Variants in CDKN2B-AS1 observed in about 807,000 individuals in gnomAD.
CDKN2B-AS1 encodes the protein CDKN2B antisense RNA 1 (non-protein coding).
intron 3 of CDKN2B-AS1, among the ~76,000 whole-genome samples, chr9:22,052,356 C>A (rs1222520506): frequency 1.3e-5 from 2 of 152,092 alleles, no homozygotes; most frequent in African/African-American, 4.8e-5. Context: ...AGTGACCTAA[C>A]TGTATATTTT....
At position 22,005,853 on chromosome 9, in the gene CDKN2B-AS1, T is replaced by G. The variant is rs531705888; in HGVS notation, n.29+10692T>G. Reference sequence around the variant, plus strand: ...ATTCCCGGTCGGCTCCTCCTTCCTGTGAGTCTCAGACAGGCTTGCAGGCTT... The same window carrying G: ...ATTCCCGGTCGGCTCCTCCTTCCTGGGAGTCTCAGACAGGCTTGCAGGCTT... On this transcript the variant is annotated intron_variant and non_coding_transcript_variant, in intron 1 of 4. Coordinates refer to ENST00000650946, the Ensembl canonical transcript of CDKN2B-AS1. This position sits in a 1 kb window ranked among gnomAD's most constrained non-coding sequence, Gnocchi z 4.9. The G allele has an allele frequency of 1.3e-5, 16 of 1,236,720 alleles. No individual in the cohort carries two copies. In the South Asian group the frequency reaches 2.1e-4, roughly 16 times the overall value. 76.6% of individuals were successfully genotyped at this position (1,236,720 alleles called of 1,614,324 possible).
chr9:21,999,506 A>G lies in CDKN2B-AS1; in HGVS notation n.29+4345A>G, dbSNP rs1043700661. 1.3e-5 allele frequency among the ~76,000 whole-genome samples: 2 copies of G among 152,030 alleles called. No individual in the cohort carries two copies. Among genetic ancestry groups the G allele is most frequent in the African/African-American group, 4.8e-5 (2 of 41,432 alleles). On this transcript the variant is annotated intron_variant and non_coding_transcript_variant, in intron 1 of 4. Coordinates refer to ENST00000650946, the Ensembl canonical transcript of CDKN2B-AS1. This position sits in a 1 kb window ranked among gnomAD's most constrained non-coding sequence, Gnocchi z 4.7. ...CACATGTACACATATATATACATAC[A>G]TATGTATATATGTATTTTATGTATG...
intron 1 of CDKN2B-AS1, among the ~76,000 whole-genome samples, chr9:22,026,106 G>A (rs1352602982): frequency 6.7e-6 from 1 of 149,664 alleles, no homozygotes; most frequent in South Asian, 2.1e-4. Context: ...AAAAAAAAAA[G>A]CAGTGTGGCC....
chr9:22,078,711 CT>C (rs372480552), intron 4 of CDKN2B-AS1, among the ~76,000 whole-genome samples: 2 of 152,170 alleles, frequency 1.3e-5, no homozygotes, highest in African/African-American at 4.8e-5. Context: ...CTTAGAGTGT[CT>C]GAAAGGTTTT....
intron 4 of CDKN2B-AS1, among the ~76,000 whole-genome samples, chr9:22,078,749 C>G (rs114306843): frequency 1.1e-3 from 167 of 152,272 alleles, no homozygotes; most frequent in African/African-American, 3.9e-3. Flanking sequence ...CCTTCAAAAT[C>G]TTCTTCATTA....
chr9:22,037,423 T>G (rs570015426), intron 1 of CDKN2B-AS1, among the ~76,000 whole-genome samples: 21 of 151,766 alleles, frequency 1.4e-4, no homozygotes, highest in Admixed American at 1.0e-3. Flanking sequence ...AGACTCTACC[T>G]GGTTTGCGTA....
At chr9:22,063,591 C>T (rs974034396) in intron 4 of CDKN2B-AS1, among the ~76,000 whole-genome samples, 6 of 152,142 alleles carry the variant, frequency 3.9e-5, no homozygotes, top group Non-Finnish European at 7.4e-5. Context: ...ACCAAGATTG[C>T]ATTGATCCTG....
intron 4 of CDKN2B-AS1, among the ~76,000 whole-genome samples, chr9:22,066,732 G>A (rs1306423914): frequency 2.0e-5 from 3 of 151,878 alleles, no homozygotes; most frequent in Non-Finnish European, 4.4e-5. Flanking sequence ...TTACCATCGG[G>A]TCTTAGAAAT....
intron 1 of CDKN2B-AS1, among the ~76,000 whole-genome samples, chr9:22,026,317 G>T (rs966080159): frequency 6.6e-5 from 10 of 152,174 alleles, no homozygotes; most frequent in African/African-American, 1.2e-4. Flanking sequence ...GGAGGCCCCA[G>T]TTGGGAGGTC....
chr9:22,099,819 C>T (rs1825421037), intron 4 of CDKN2B-AS1, among the ~76,000 whole-genome samples: 1 of 152,042 alleles, frequency 6.6e-6, no homozygotes, highest in Non-Finnish European at 1.5e-5. Context: ...TGGATAGATG[C>T]ACATGTATGT....
intron 4 of CDKN2B-AS1, among the ~76,000 whole-genome samples, chr9:22,088,967 C>T (rs1824963327): frequency 6.6e-6 from 1 of 152,194 alleles, no homozygotes; most frequent in Non-Finnish European, 1.5e-5. Context: ...CAGCAGCATA[C>T]CACACACCTG....
At chr9:22,049,717 A>G (rs1026407876) in intron 3 of CDKN2B-AS1, among the ~76,000 whole-genome samples, 2 of 152,224 alleles carry the variant, frequency 1.3e-5, no homozygotes, top group South Asian at 2.1e-4. Flanking sequence ...CTGAATCTCA[A>G]TTCCAACAAT....
rs774079532 is a variant in CDKN2B-AS1 at position 22,005,958 on chromosome 9, G to A, written n.29+10797G>A. On this transcript the variant is annotated intron_variant and non_coding_transcript_variant, in intron 1 of 4. Transcript: ENST00000650946. This position sits in a 1 kb window ranked among gnomAD's most constrained non-coding sequence, Gnocchi z 4.9. Reference sequence around the variant, plus strand: ...GTGGGAAATTGGGTAAGAAAATAAAGTCGTTGTGGGCGGCTGGGGAACCTG... The same window carrying A: ...GTGGGAAATTGGGTAAGAAAATAAAATCGTTGTGGGCGGCTGGGGAACCTG... The A allele has an allele frequency of 6.3e-7, 1 of 1,598,222 alleles. No individual in the cohort carries two copies. Among genetic ancestry groups the A allele is most frequent in the Non-Finnish European group, 8.5e-7 (1 of 1,179,308 alleles).
intron 4 of CDKN2B-AS1, among the ~76,000 whole-genome samples, chr9:22,072,016 G>A (rs75324657): frequency 3.7e-3 from 560 of 152,332 alleles, no homozygotes; most frequent in Admixed American, 7.0e-3. Context: ...GTGTTCAGCA[G>A]TCAGAAGAAG....
intron 1 of CDKN2B-AS1, among the ~76,000 whole-genome samples, chr9:22,011,031 G>A (rs1231879294): frequency 6.6e-6 from 1 of 152,176 alleles, no homozygotes; most frequent in East Asian, 1.9e-4. Flanking sequence ...TGTGAGCTTC[G>A]CGAAGCAAGT....
At chr9:22,024,025 T>C (rs1822123361) in intron 1 of CDKN2B-AS1, among the ~76,000 whole-genome samples, 1 of 152,226 alleles carries the variant, frequency 6.6e-6, no homozygotes, top group South Asian at 2.1e-4. Context: ...CTCTTGATTA[T>C]TGAGTTTTCA....
chr9:22,066,275 A>T (rs766143878), intron 4 of CDKN2B-AS1: 1 of 151,870 alleles, frequency 6.6e-6, no homozygotes, highest in Non-Finnish European at 1.5e-5. Context: ...GTGTATTGGC[A>T]TGATTACAGC....
chr9:22,062,375 A>G (rs1162297036), intron 4 of CDKN2B-AS1, among the ~76,000 whole-genome samples: 2 of 152,256 alleles, frequency 1.3e-5, no homozygotes, highest in Non-Finnish European at 2.9e-5. Flanking sequence ...GGTCCCTGGC[A>G]CTAATACCTC....
intron 4 of CDKN2B-AS1, among the ~76,000 whole-genome samples, chr9:22,108,731 A>G (rs748981575): frequency 4.6e-5 from 7 of 152,214 alleles, no homozygotes; most frequent in East Asian, 1.9e-4. Flanking sequence ...TCCATTTCCA[A>G]TGAAACTCAC....
Sources: gnomAD v4.1 joint callset for allele counts (sites outside exome capture counted in the v4.1 genomes callset) on GRCh38, gnomAD v4.1.1 for gene constraint, Gnocchi (gnomAD v3.1) non-coding constraint, MANE v1.5 for transcripts, NCBI Gene and HGNC (gene_info 2026-07-23, HGNC 2026-07-21) for gene names.